The following ZNF280C variants were observed in gnomAD, a reference collection of about 807,000 sequenced individuals.
ZNF280C encodes the protein suppressor of hairy wing homolog 3.
Under a neutral mutation model 53.6 loss-of-function variants are expected in ZNF280C, and 14 were observed. That is an observed-to-expected ratio of 0.26 (90% CI 0.17 to 0.41). The LOEUF (loss-of-function observed/expected upper bound fraction) is 0.41, where lower values mean the gene tolerates loss of function less well. Among genes scored for constraint, ZNF280C ranks in the 10% least tolerant of loss-of-function variants. The pLI, the probability that ZNF280C is intolerant of heterozygous loss-of-function variation, is 1.00. For missense variants in ZNF280C, 416 were observed against 547.1 expected, an observed-to-expected ratio of 0.76 and a Z score of 2.39; for synonymous variants, 203 against 181.1, an observed-to-expected ratio of 1.12 and a Z score of -0.97.
At position 130,204,067 on chromosome X, in the gene ZNF280C, C is replaced by T. The variant is rs1304318392; in HGVS notation, c.*910G>A. ...ACATGAACAACTGTGTCTTTGGGAA[C>T]TGTAATTGTAGAAATTTTCTTTATC... is the stretch of plus-strand genomic sequence containing the variant. On this transcript the variant is annotated 3_prime_UTR_variant, in exon 19 of 19. Coordinates refer to ENST00000370978, the MANE Select transcript of ZNF280C (RefSeq NM_017666.5). 1 of 111,401 alleles carries T rather than the reference C, an allele frequency of 9.0e-6. No homozygotes were observed. The highest frequency in any genetic ancestry group is 3.3e-5 in the African/African-American group (1 of 30,617). 9.2% of individuals were successfully genotyped at this position (111,401 alleles called of 1,213,427 possible).
intron 6 of ZNF280C, among the ~76,000 whole-genome samples, chrX:130,238,859 T>C (rs776750877): frequency 3.6e-5 from 4 of 111,473 alleles, no homozygotes; most frequent in South Asian, 3.7e-4. Context: ...TGCAAAAAAA[T>C]TGTGTTCCTC....
At chrX:130,257,397 T>C (rs1170676690) in intron 2 of ZNF280C, among the ~76,000 whole-genome samples, 1 of 111,220 alleles carries the variant, frequency 9.0e-6, no homozygotes, top group Admixed American at 9.6e-5. Context: ...AATCACTGAA[T>C]ATGATTTACT....
chrX:130,231,570 A>C (rs1368916014), intron 8 of ZNF280C, among the ~76,000 whole-genome samples: 2 of 111,579 alleles, frequency 1.8e-5, no homozygotes, highest in African/African-American at 6.5e-5. Flanking sequence ...GGTCTCCAAA[A>C]GTTGGGAGGG....
chrX:130,203,939 A>T lies in ZNF280C; in HGVS notation c.*1038T>A, dbSNP rs1300308995. 9.1e-6 allele frequency: 1 copy of T among 109,374 alleles called. No individual in the cohort carries two copies. Among genetic ancestry groups the T allele is most frequent in the African/African-American group, 3.3e-5 (1 of 29,981 alleles). 9.0% of individuals were successfully genotyped at this position (109,374 alleles called of 1,213,427 possible). A position where few individuals can be genotyped will look rare whatever the true frequency, so the allele number is the denominator to read the frequency against. On this transcript the variant is annotated 3_prime_UTR_variant, in exon 19 of 19. Coordinates refer to ENST00000370978, the MANE Select transcript of ZNF280C (RefSeq NM_017666.5). ...AGCACTGATCTAAAAACAATATAAAACCAAGCTACCAAAATAAAACAAAAT... is the reference window on the plus strand; with the variant it reads ...AGCACTGATCTAAAAACAATATAAATCCAAGCTACCAAAATAAAACAAAAT...
intron 13 of ZNF280C, among the ~76,000 whole-genome samples, chrX:130,216,990 AC>A (rs1435120403): frequency 9.0e-6 from 1 of 111,320 alleles, no homozygotes; most frequent in Non-Finnish European, 1.9e-5. Flanking sequence ...ACACGGCAAG[AC>A]TCCGTCTCAA....
chrX:130,265,751 A>G (rs1441042043), intron 1 of ZNF280C, among the ~76,000 whole-genome samples: 1 of 112,350 alleles, frequency 8.9e-6, no homozygotes, highest in Non-Finnish European at 1.9e-5. Flanking sequence ...TCCTTGCAGC[A>G]CTACTGTGAA....
At chrX:130,230,123 G>A (rs1371192633) in intron 9 of ZNF280C, among the ~76,000 whole-genome samples, 2 of 111,691 alleles carry the variant, frequency 1.8e-5, no homozygotes, top group Admixed American at 9.5e-5. Flanking sequence ...CTTTAAATAA[G>A]GTTAGTATGG....
intron 1 of ZNF280C, among the ~76,000 whole-genome samples, chrX:130,267,712 G>C (rs1019937273): frequency 8.9e-6 from 1 of 112,130 alleles, no homozygotes; most frequent in African/African-American, 3.2e-5. Flanking sequence ...AGGAGATTAA[G>C]TTTGCACAGT....
intron 2 of ZNF280C, among the ~76,000 whole-genome samples, chrX:130,259,509 C>T (rs902450110): frequency 8.9e-6 from 1 of 112,092 alleles, no homozygotes; most frequent in African/African-American, 3.2e-5. Context: ...TTAAAAGGCA[C>T]ATAATAACAT....
chrX:130,242,502 T>A (rs771333814), intron 5 of ZNF280C, among the ~76,000 whole-genome samples: 4 of 112,133 alleles, frequency 3.6e-5, no homozygotes, highest in Non-Finnish European at 5.6e-5. Context: ...ATGTGGCCAT[T>A]ATGCATTATT....
intron 2 of ZNF280C, among the ~76,000 whole-genome samples, chrX:130,255,497 AAG>A (rs1270876747): frequency 2.7e-5 from 3 of 110,845 alleles, no homozygotes; most frequent in African/African-American, 6.5e-5. Flanking sequence ...AAAAAAAAAA[AAG>A]AGAGAGAAAA....
chrX:130,220,961 GAAC>G (rs1277146528), intron 12 of ZNF280C, among the ~76,000 whole-genome samples: 23 of 110,259 alleles, frequency 2.1e-4, no homozygotes, highest in Admixed American at 9.7e-5. Flanking sequence ...TATAAATTTA[GAAC>G]AACATACAAA....
At chrX:130,216,247 T>A in intron 13 of ZNF280C, 146 bp from the exon 14 acceptor site, 1 of 465,940 alleles carries the variant, frequency 2.1e-6, no homozygotes, top group South Asian at 4.8e-5. Context: ...ATAGTCTTGA[T>A]GAATGCTGCT....
intron 1 of ZNF280C, among the ~76,000 whole-genome samples, chrX:130,267,667 C>A (rs2032703886): frequency 8.9e-6 from 1 of 112,155 alleles, no homozygotes; most frequent in African/African-American, 3.2e-5. Context: ...ACAAGCAAAT[C>A]AGTGCCTTTG....
At chrX:130,264,116 A>T (rs1422122986) in intron 1 of ZNF280C, among the ~76,000 whole-genome samples, 2 of 110,538 alleles carry the variant, frequency 1.8e-5, no homozygotes, top group Non-Finnish European at 3.8e-5. Context: ...AGTGATGTGG[A>T]GAAAAAGTAC....
intron 15 of ZNF280C, among the ~76,000 whole-genome samples, chrX:130,214,048 C>T (rs2032073062): frequency 8.9e-6 from 1 of 112,035 alleles, no homozygotes; most frequent in Admixed American, 9.5e-5. Context: ...AATCCTCCCT[C>T]CTTGGCCTCT....
At chrX:130,222,331 C>CAA (rs60553619) in intron 12 of ZNF280C, among the ~76,000 whole-genome samples, 1 of 103,908 alleles carries the variant, frequency 9.6e-6, no homozygotes, top group Non-Finnish European at 2.0e-5. Flanking sequence ...CACACACACA[C>CAA]CCTTCTCTAC....
intron 10 of ZNF280C, among the ~76,000 whole-genome samples, chrX:130,228,089 C>A (rs2032238092): frequency 9.0e-6 from 1 of 111,401 alleles, no homozygotes; most frequent in Non-Finnish European, 1.9e-5. Flanking sequence ...GGAATCTGAA[C>A]CAAATTTGTC....
intron 13 of ZNF280C, among the ~76,000 whole-genome samples, chrX:130,219,427 C>A (rs1374771764): frequency 1.1e-5 from 1 of 89,820 alleles, no homozygotes; most frequent in African/African-American, 4.4e-5. Context: ...GCGGAGGCTG[C>A]AGTAAGCTGA....
Sources: gnomAD v4.1 joint callset for allele counts (sites outside exome capture counted in the v4.1 genomes callset) on GRCh38, gnomAD v4.1.1 for gene constraint, MANE v1.5 for transcripts, NCBI Gene and HGNC (gene_info 2026-07-23, HGNC 2026-07-21) for gene names.